Variants in RPTOR observed in about 807,000 individuals in gnomAD.
RPTOR encodes regulatory-associated protein of mTOR.
RPTOR carries 21 observed loss-of-function variants against 169.9 expected under a neutral mutation model. The observed-to-expected ratio is 0.12, with a 90% CI of 0.09 to 0.18. The LOEUF is 0.18. Among genes scored for constraint, RPTOR ranks in the 10% least tolerant of loss-of-function variants. The pLI is 1.00. For missense variants in RPTOR, 1,133 were observed against 1,855.9 expected, an observed-to-expected ratio of 0.61 and a Z score of 7.16; for synonymous variants, 732 against 753.2, an observed-to-expected ratio of 0.97 and a Z score of 0.46.
At chr17:80,572,836 C>T (rs1568311937) in intron 1 of RPTOR, among the ~76,000 whole-genome samples, 1 of 152,206 alleles carries the variant, frequency 6.6e-6, no homozygotes, top group Non-Finnish European at 1.5e-5. Flanking sequence ...GTCTGATAAT[C>T]AGTCTGTTCC....
At chr17:80,636,620 A>G (rs2065508862) in intron 2 of RPTOR, among the ~76,000 whole-genome samples, 1 of 152,146 alleles carries the variant, frequency 6.6e-6, no homozygotes, top group African/African-American at 2.4e-5. Context: ...ATCTCTTCAT[A>G]CTACCACATT....
intron 6 of RPTOR, among the ~76,000 whole-genome samples, chr17:80,770,426 G>A (rs948732982): frequency 2.6e-5 from 4 of 152,102 alleles, no homozygotes; most frequent in African/African-American, 7.2e-5. Flanking sequence ...AGCGTGGTCC[G>A]GGCTCTCCTG....
At chr17:80,906,408 C>T (rs760322481) in intron 20 of RPTOR, among the ~76,000 whole-genome samples, 6 of 152,188 alleles carry the variant, frequency 3.9e-5, no homozygotes, top group Non-Finnish European at 7.3e-5. Context: ...TGGAAGGCTT[C>T]GGTTCTGTCC....
intron 5 of RPTOR, among the ~76,000 whole-genome samples, chr17:80,733,580 A>G (rs1471934178): frequency 6.6e-6 from 1 of 152,090 alleles, no homozygotes; most frequent in Non-Finnish European, 1.5e-5. Flanking sequence ...TCGTTTTTAG[A>G]TTATCAGTGG....
chr17:80,912,157 C>T (rs1385658042), intron 21 of RPTOR, among the ~76,000 whole-genome samples: 2 of 152,208 alleles, frequency 1.3e-5, no homozygotes, highest in Non-Finnish European at 2.9e-5. Flanking sequence ...AAGCTTTTTA[C>T]GAACATTAAT....
At chr17:80,933,861 T>C (rs1172523206) in intron 24 of RPTOR, among the ~76,000 whole-genome samples, 2 of 152,254 alleles carry the variant, frequency 1.3e-5, no homozygotes, top group Non-Finnish European at 2.9e-5. Flanking sequence ...ACAAATTCCT[T>C]GGAAGAGATT....
chr17:80,694,942 A>G (rs1203526485), intron 3 of RPTOR, among the ~76,000 whole-genome samples: 1 of 152,144 alleles, frequency 6.6e-6, no homozygotes, highest in Admixed American at 6.5e-5. Flanking sequence ...ACGGGCAGCT[A>G]TATCCAAGGA....
At chr17:80,564,448 G>C (rs1489333673) in intron 1 of RPTOR, among the ~76,000 whole-genome samples, 1 of 152,072 alleles carries the variant, frequency 6.6e-6, no homozygotes, top group African/African-American at 2.4e-5. Flanking sequence ...AGGAGATACC[G>C]CCACACCCTT....
At chr17:80,792,020 T>G (rs1379039467) in intron 7 of RPTOR, among the ~76,000 whole-genome samples, 2 of 152,302 alleles carry the variant, frequency 1.3e-5, no homozygotes, top group East Asian at 3.9e-4. Flanking sequence ...CAATGGCACT[T>G]GCCTCCCATA....
Position 80,857,795 on chromosome 17 carries a change from G to T in RPTOR, c.1404G>T (p.Leu468Phe). Residue 468 changes from leucine to phenylalanine, a missense_variant, in exon 13 of 34, where the codon TTG becomes TTT. By Grantham distance (22) the Leu-to-Phe change is conservative. Coordinates refer to ENST00000306801, the MANE Select transcript of RPTOR (RefSeq NM_020761.3). ...ACGCCCTCCCTCGCCCCCAGGCCTTGTCTGTCGGCATCTTCCCCTACGTGC... is the reference window on the plus strand; with the variant it reads ...ACGCCCTCCCTCGCCCCCAGGCCTTTTCTGTCGGCATCTTCCCCTACGTGC... ...DLGPWAVSLA[L>F]SVGIFPYVLK... 1 of 1,609,456 alleles carries T rather than the reference G, an allele frequency of 6.2e-7. No homozygotes were observed.
intron 9 of RPTOR, among the ~76,000 whole-genome samples, chr17:80,832,090 G>A (rs118123176): frequency 4.1e-4 from 63 of 152,308 alleles, no homozygotes; most frequent in Admixed American, 5.9e-4. Context: ...AGCCAACACC[G>A]CTCTTGAGAC....
At chr17:80,612,746 T>C (rs770164445) in intron 1 of RPTOR, among the ~76,000 whole-genome samples, 35 of 152,296 alleles carry the variant, frequency 2.3e-4, no homozygotes, top group Middle Eastern at 3.4e-3. Context: ...CACCCACTTG[T>C]GGTCCTAGCT....
intron 7 of RPTOR, among the ~76,000 whole-genome samples, chr17:80,812,861 C>T (rs894004976): frequency 6.6e-6 from 1 of 152,212 alleles, no homozygotes; most frequent in African/African-American, 2.4e-5. Flanking sequence ...GATTTGTGCA[C>T]GTGATTTGGA....
At chr17:80,756,317 G>T (rs1333583437) in intron 6 of RPTOR, among the ~76,000 whole-genome samples, 2 of 152,228 alleles carry the variant, frequency 1.3e-5, no homozygotes, top group African/African-American at 2.4e-5. Context: ...GGACCTCCCA[G>T]TCTCCAGAAC....
intron 3 of RPTOR, among the ~76,000 whole-genome samples, chr17:80,664,475 C>T (rs1171860517): frequency 6.6e-6 from 1 of 152,140 alleles, no homozygotes; most frequent in African/African-American, 2.4e-5. Context: ...CCTGCGCCTG[C>T]CCCCTTCTCC....
intron 3 of RPTOR, among the ~76,000 whole-genome samples, chr17:80,666,644 A>ATCAT (rs111693485): frequency 0.053 from 8,050 of 152,194 alleles, 686 homozygotes; most frequent in African/African-American, 0.18. Flanking sequence ...GAAAATAAAC[A>ATCAT]TCATTCATTC....
At chr17:80,830,731 G>C (rs2067494597) in intron 9 of RPTOR, among the ~76,000 whole-genome samples, 1 of 151,978 alleles carries the variant, frequency 6.6e-6, no homozygotes, top group Non-Finnish European at 1.5e-5. Flanking sequence ...GGCTTCCCAT[G>C]ATGGGGAGCA....
At chr17:80,687,951 G>A (rs1047215947) in intron 3 of RPTOR, among the ~76,000 whole-genome samples, 1 of 152,118 alleles carries the variant, frequency 6.6e-6, no homozygotes, top group Admixed American at 6.6e-5. Context: ...AGATGTGGCC[G>A]GCTTCTTGTC....
At chr17:80,673,790 A>G (rs962795965) in intron 3 of RPTOR, among the ~76,000 whole-genome samples, 1 of 152,254 alleles carries the variant, frequency 6.6e-6, no homozygotes, top group African/African-American at 2.4e-5. Flanking sequence ...ATCTGAGTGC[A>G]GCATTGGCAG....
Sources: gnomAD v4.1 joint callset for allele counts (sites outside exome capture counted in the v4.1 genomes callset) on GRCh38, gnomAD v4.1.1 for gene constraint, MANE v1.5 for transcripts, NCBI Gene and HGNC (gene_info 2026-07-23, HGNC 2026-07-21) for gene names.